Variants in ACSM1 observed in about 807,000 individuals in gnomAD.
The protein encoded by ACSM1 is acyl-coenzyme A synthetase ACSM1, mitochondrial.
A neutral mutation model predicts 75.8 loss-of-function variants in ACSM1; 79 were observed. The observed-to-expected ratio is 1.04, with a 90% CI of 0.87 to 1.26. The LOEUF (loss-of-function observed/expected upper bound fraction) is 1.26. Among genes scored for constraint, ACSM1 ranks in the 50% most tolerant of loss-of-function variants. ACSM1 has a pLI of 0.00. For synonymous variants in ACSM1, 279 were observed against 265.8 expected, an observed-to-expected ratio of 1.05 and a Z score of -0.48; for missense variants, 676 against 720.1, an observed-to-expected ratio of 0.94 and a Z score of 0.70.
At chr16:20,635,612 C>A (rs1199974122) in intron 10 of ACSM1, among the ~76,000 whole-genome samples, 1 of 103,666 alleles carries the variant, frequency 9.6e-6, no homozygotes, top group Admixed American at 1.0e-4. Flanking sequence ...TTCTTTCTTT[C>A]TTTCTTTCTT....
intron 10 of ACSM1, 98 bp from the exon 11 acceptor site, chr16:20,627,414 T>A: frequency 7.2e-7 from 1 of 1,387,010 alleles, no homozygotes; most frequent in Non-Finnish European, 9.5e-7. Flanking sequence ...CTGCCTCTGT[T>A]TCTACTCGGT....
chr16:20,685,485 C>T (rs755176683), intron 2 of ACSM1, 82 bp from the exon 3 acceptor site: 2 of 1,298,922 alleles, frequency 1.5e-6, no homozygotes, highest in Non-Finnish European at 2.2e-6. Context: ...GCCATAGTCA[C>T]GTTCCAATGT....
chr16:20,636,914 T>C (rs913533253), intron 9 of ACSM1, 74 bp from the exon 10 acceptor site: 1 of 1,050,452 alleles, frequency 9.5e-7, no homozygotes, highest in Non-Finnish European at 1.5e-6. Context: ...CACTGTCTGG[T>C]TTATGCATGG....
intron 12 of ACSM1, among the ~76,000 whole-genome samples, 191 bp from the exon 13 acceptor site, chr16:20,624,406 C>T (rs2016791091): frequency 6.6e-6 from 1 of 152,230 alleles, no homozygotes; most frequent in Non-Finnish European, 1.5e-5. Context: ...TTTGACCTCT[C>T]CTTAACCTCA....
At chr16:20,690,506 C>T (rs2079633660) in intron 2 of ACSM1, among the ~76,000 whole-genome samples, 1 of 152,186 alleles carries the variant, frequency 6.6e-6, no homozygotes, top group South Asian at 2.1e-4. Context: ...ACTTGCCATC[C>T]TCATGGGAAG....
chr16:20,623,641 C>A, intron 13 of ACSM1, 69 bp from the exon 14 acceptor site: 4 of 1,438,618 alleles, frequency 2.8e-6, no homozygotes, highest in Non-Finnish European at 3.9e-6. Flanking sequence ...TCTCCACTCT[C>A]CTCCTCTGCC....
chr16:20,673,223 G>A (rs758127539), intron 4 of ACSM1, among the ~76,000 whole-genome samples: 1 of 151,688 alleles, frequency 6.6e-6, no homozygotes, highest in Non-Finnish European at 1.5e-5. Context: ...TTTCTCAGGA[G>A]CTTCCCCTGG....
intron 4 of ACSM1, chr16:20,674,135 T>C (rs188630381): frequency 4.5e-6 from 2 of 443,618 alleles, no homozygotes; most frequent in African/African-American, 2.0e-5. Flanking sequence ...TTAAAGAATG[T>C]GTAAGCAAAA....
At chr16:20,677,314 G>C (rs1469729135) in intron 4 of ACSM1, among the ~76,000 whole-genome samples, 3 of 151,802 alleles carry the variant, frequency 2.0e-5, no homozygotes, top group Non-Finnish European at 4.4e-5. Context: ...ATGCCCATAA[G>C]TGAAAGGGAG....
chr16:20,693,426 C>A (rs561998317), intron 1 of ACSM1, among the ~76,000 whole-genome samples: 2 of 152,292 alleles, frequency 1.3e-5, no homozygotes, highest in Admixed American at 6.5e-5. Context: ...TAAGCTGGAT[C>A]CTTTCTTTCC....
intron 8 of ACSM1, among the ~76,000 whole-genome samples, chr16:20,638,049 A>G (rs1596811394): frequency 6.6e-6 from 1 of 152,288 alleles, no homozygotes; most frequent in East Asian, 1.9e-4. Flanking sequence ...GCACTGCCCT[A>G]TCTTCATCTT....
intron 2 of ACSM1, among the ~76,000 whole-genome samples, chr16:20,685,985 C>T (rs2079548054): frequency 6.6e-6 from 1 of 152,066 alleles, no homozygotes; most frequent in African/African-American, 2.4e-5. Flanking sequence ...CATTCCACCA[C>T]ATGCCTGCCT....
At chr16:20,686,396 C>T (rs2079554283) in intron 2 of ACSM1, among the ~76,000 whole-genome samples, 1 of 151,978 alleles carries the variant, frequency 6.6e-6, no homozygotes, top group African/African-American at 2.4e-5. Flanking sequence ...AAACAAATGC[C>T]CCCAGTCATG....
At chr16:20,632,343 AGT>A (rs942748100) in intron 10 of ACSM1, among the ~76,000 whole-genome samples, 2 of 152,238 alleles carry the variant, frequency 1.3e-5, no homozygotes, top group African/African-American at 2.4e-5. Flanking sequence ...TTAATAAAAA[AGT>A]GAAAATTTAA....
intron 7 of ACSM1, among the ~76,000 whole-genome samples, chr16:20,645,310 T>C (rs2018298766): frequency 6.6e-6 from 1 of 152,220 alleles, no homozygotes; most frequent in Non-Finnish European, 1.5e-5. Context: ...CTAGGACTAA[T>C]ACTCATCAGA....
intron 6 of ACSM1, among the ~76,000 whole-genome samples, chr16:20,667,097 G>A (rs1163039207): frequency 6.6e-6 from 1 of 151,964 alleles, no homozygotes; most frequent in African/African-American, 2.4e-5. Context: ...TTAACAAGTG[G>A]GACCCAATTA....
intron 7 of ACSM1, among the ~76,000 whole-genome samples, chr16:20,643,074 T>C (rs1322121888): frequency 6.6e-6 from 1 of 152,222 alleles, no homozygotes; most frequent in Non-Finnish European, 1.5e-5. Context: ...CTGGAGCTAA[T>C]GGCTTTCCTC....
At position 20,636,760 on chromosome 16, in the gene ACSM1, C is replaced by T. The variant is rs2152209767; in HGVS notation, c.1278G>A (p.Val426=). 3 of 1,614,120 alleles carry T rather than the reference C, an allele frequency of 1.9e-6. No homozygotes were observed. Among genetic ancestry groups the T allele is most frequent in the Non-Finnish European group, 2.5e-6 (3 of 1,179,998 alleles). The change falls in exon 10 of 14, where the codon GTG becomes GTA. Residue 426 remains valine (V), a synonymous_variant. Transcript: ENST00000520010. ...IGIRIKPVRP[V]SLFMCYEGDP... Reference sequence around the variant, plus strand: ...TTACCTCATAGCACATGAAGAGGCTCACAGGCCTGACAGGTTTGATTCTGA... The same window carrying T: ...TTACCTCATAGCACATGAAGAGGCTTACAGGCCTGACAGGTTTGATTCTGA...
chr16:20,628,387 G>T (rs912772331), intron 10 of ACSM1, among the ~76,000 whole-genome samples: 3 of 152,004 alleles, frequency 2.0e-5, no homozygotes, highest in African/African-American at 7.3e-5. Context: ...ATCTCTGATG[G>T]TGCTCTTTTA....
Sources: allele counts gnomAD v4.1 joint callset (sites outside exome capture counted in the v4.1 genomes callset), GRCh38; gene constraint gnomAD v4.1.1; transcripts MANE v1.5; gene names NCBI Gene and HGNC (gene_info 2026-07-23, HGNC 2026-07-21).